DENND1A: variants seen among roughly 807,000 people sequenced by gnomAD.
DENND1A encodes the protein DENN domain-containing protein 1A.
DENND1A carries 51 observed loss-of-function variants against 113.7 expected under a neutral mutation model. The ratio of observed to expected loss-of-function variants is 0.45; its 90% CI spans 0.36 to 0.57. The LOEUF (loss-of-function observed/expected upper bound fraction) is 0.57, where lower values mean the gene tolerates loss of function less well. DENND1A is among the 20% of genes least tolerant of loss of function. DENND1A has a pLI of 0.00. For synonymous variants in DENND1A, 565 were observed against 570.8 expected, an observed-to-expected ratio of 0.99 and a Z score of 0.14; for missense variants, 1,258 against 1,395.9, an observed-to-expected ratio of 0.90 and a Z score of 1.57.
intron 11 of DENND1A, among the ~76,000 whole-genome samples, chr9:123,600,550 T>C (rs1173852497): frequency 1.3e-5 from 2 of 152,202 alleles, no homozygotes; most frequent in Admixed American, 1.3e-4. Flanking sequence ...TATGTATAGG[T>C]ATTTCCAGCA....
intron 16 of DENND1A, 60 bp from the exon 17 acceptor site, chr9:123,452,407 A>C: frequency 7.6e-7 from 1 of 1,323,420 alleles, no homozygotes; most frequent in Non-Finnish European, 1.1e-6. Flanking sequence ...AACACCAACA[A>C]AGACTGCTTC....
chr9:123,495,734 T>C (rs905983784), intron 13 of DENND1A, among the ~76,000 whole-genome samples: 1 of 152,236 alleles, frequency 6.6e-6, no homozygotes, highest in Non-Finnish European at 1.5e-5. Flanking sequence ...CTTTTTCTTC[T>C]AACTCCCCAC....
chr9:123,563,329 G>A (rs918739361), intron 12 of DENND1A, among the ~76,000 whole-genome samples: 1 of 152,130 alleles, frequency 6.6e-6, no homozygotes, highest in African/African-American at 2.4e-5. Flanking sequence ...CAACCTCTCA[G>A]GTCCCCTGGC....
intron 6 of DENND1A, among the ~76,000 whole-genome samples, chr9:123,675,693 TTTAC>T (rs1410647094): frequency 6.6e-6 from 1 of 152,218 alleles, no homozygotes; most frequent in African/African-American, 2.4e-5. Context: ...ATGAGACTTT[TTTAC>T]TTGTCAAACA....
chr9:123,735,013 A>C (rs539454377), intron 5 of DENND1A, among the ~76,000 whole-genome samples: 4 of 152,314 alleles, frequency 2.6e-5, no homozygotes, highest in African/African-American at 9.6e-5. Context: ...AGGAGAAGCC[A>C]GAAAAGTTGG....
At chr9:123,409,384 C>T (rs1311691380) in intron 20 of DENND1A, among the ~76,000 whole-genome samples, 1 of 151,550 alleles carries the variant, frequency 6.6e-6, no homozygotes, top group East Asian at 1.9e-4. Context: ...CTTTTTGAGC[C>T]CCAACATGAT....
intron 2 of DENND1A, among the ~76,000 whole-genome samples, chr9:123,859,358 G>A: frequency 6.6e-6 from 1 of 150,994 alleles, no homozygotes; most frequent in Non-Finnish European, 1.5e-5. Context: ...CATTTGCATG[G>A]GGTTTACATT....
At chr9:123,510,267 T>A (rs1038348144) in intron 13 of DENND1A, among the ~76,000 whole-genome samples, 1 of 152,106 alleles carries the variant, frequency 6.6e-6, no homozygotes, top group African/African-American at 2.4e-5. Context: ...GGACCCAGAG[T>A]GGGTGTCTAG....
intron 19 of DENND1A, among the ~76,000 whole-genome samples, chr9:123,429,806 A>G (rs905768348): frequency 3.3e-5 from 5 of 152,238 alleles, no homozygotes; most frequent in African/African-American, 1.2e-4. Context: ...CATGACGAAA[A>G]TGCCAAAAGC....
chr9:123,689,316 C>A (rs2065019723), intron 5 of DENND1A, among the ~76,000 whole-genome samples: 1 of 152,194 alleles, frequency 6.6e-6, no homozygotes, highest in South Asian at 2.1e-4. Flanking sequence ...TGAGCCACTG[C>A]ACCTGGCCTC....
chr9:123,887,916 G>A (rs192235660), intron 1 of DENND1A, among the ~76,000 whole-genome samples: 70 of 152,274 alleles, frequency 4.6e-4, no homozygotes, highest in South Asian at 2.1e-4. Flanking sequence ...ATTAGAATGT[G>A]CTCAAGGTTT....
At position 123,382,296 on chromosome 9, in the gene DENND1A, G is replaced by T; in HGVS notation, c.2349C>A (p.Ala783=). The T allele has an allele frequency of 6.2e-7, 1 of 1,611,008 alleles. No individual in the cohort carries two copies. The change falls in exon 24 of 24, where the codon GCC becomes GCA. Residue 783 remains alanine, a synonymous_variant. Transcript: ENST00000394215. ...IVPPPPIPRP[A]KLQAAGAALG... Reference sequence around the variant, plus strand: ...GTGCGGCGCCGGCAGCCTGGAGCTTGGCCGGGCGGGGAATGGGCGGTGGAG... The same window carrying T: ...GTGCGGCGCCGGCAGCCTGGAGCTTTGCCGGGCGGGGAATGGGCGGTGGAG...
chr9:123,602,245 A>C (rs2059963199), intron 11 of DENND1A, among the ~76,000 whole-genome samples: 1 of 152,252 alleles, frequency 6.6e-6, no homozygotes, highest in Non-Finnish European at 1.5e-5. Context: ...TACAATACCT[A>C]ATACAATGTA....
intron 13 of DENND1A, among the ~76,000 whole-genome samples, chr9:123,549,900 A>G (rs2056937148): frequency 6.6e-6 from 1 of 152,200 alleles, no homozygotes; most frequent in Non-Finnish European, 1.5e-5. Context: ...TACTTTAAAA[A>G]TATTTTTCTG....
chr9:123,896,025 A>G (rs191367920), intron 1 of DENND1A, among the ~76,000 whole-genome samples: 1 of 152,294 alleles, frequency 6.6e-6, no homozygotes, highest in East Asian at 1.9e-4. Flanking sequence ...GGTCAAAAAA[A>G]TCTCAACAGG....
chr9:123,727,499 G>A (rs1589828226), intron 5 of DENND1A, among the ~76,000 whole-genome samples: 1 of 152,174 alleles, frequency 6.6e-6, no homozygotes, highest in South Asian at 2.1e-4. Context: ...ATCCTTTGAA[G>A]CTACTTGCTT....
chr9:123,877,695 C>T (rs1049871116), intron 2 of DENND1A, among the ~76,000 whole-genome samples: 4 of 149,224 alleles, frequency 2.7e-5, no homozygotes, highest in Non-Finnish European at 3.0e-5. Flanking sequence ...TGGTGGCGGG[C>T]GCCTGTAATC....
intron 5 of DENND1A, among the ~76,000 whole-genome samples, chr9:123,740,899 T>TGAGAGAGTGAGA (rs2068953709): frequency 1.8e-5 from 2 of 108,924 alleles, no homozygotes; most frequent in African/African-American, 7.4e-5. Flanking sequence ...GAAGGGAAAG[T>TGAGAGAGTGAGA]GAGAGAGAGA....
At chr9:123,413,216 A>G (rs999287339) in intron 19 of DENND1A, 8 of 217,210 alleles carry the variant, frequency 3.7e-5, no homozygotes, top group Non-Finnish European at 6.3e-5. Context: ...TATAAGTGCA[A>G]AACACTGGAC....
Sources: allele counts gnomAD v4.1 joint callset (sites outside exome capture counted in the v4.1 genomes callset), GRCh38; gene constraint gnomAD v4.1.1; transcripts MANE v1.5; gene names NCBI Gene and HGNC (gene_info 2026-07-23, HGNC 2026-07-21).